AOPEP: variants seen among roughly 807,000 people sequenced by gnomAD.
AOPEP encodes aminopeptidase O (putative), also known as aminopeptidase O.
AOPEP carries 77 observed loss-of-function variants against 98.1 expected under a neutral mutation model. The observed-to-expected ratio is 0.78, with a 90% CI of 0.65 to 0.95. The LOEUF (loss-of-function observed/expected upper bound fraction) is 0.95, where lower values mean the gene tolerates loss of function less well. Ranked by LOEUF, AOPEP falls within the 40% of genes least tolerant of loss-of-function variation. The pLI, the probability that AOPEP is intolerant of heterozygous loss-of-function variation, is 0.00. For missense variants in AOPEP, 1,024 were observed against 1,024.7 expected, an observed-to-expected ratio of 1.00 and a Z score of 0.01; for synonymous variants, 346 against 365.3, an observed-to-expected ratio of 0.95 and a Z score of 0.60.
chr9:95,027,578 A>T (rs1360281321), intron 13 of AOPEP, among the ~76,000 whole-genome samples: 8 of 152,188 alleles, frequency 5.3e-5, no homozygotes, highest in Non-Finnish European at 1.0e-4. Context: ...TAATATAGAA[A>T]AGACACACAT....
In AOPEP at chr9:94,933,471, G is replaced by T. The variant is rs916835468; in HGVS notation, c.1661+4940G>T. 4.1e-6 allele frequency: 4 copies of T among 985,254 alleles called. No individual in the cohort carries two copies. In the African/African-American group the frequency reaches 5.2e-5, roughly 13 times the overall value. The allele number at this position is 985,254 out of a possible 1,614,324, so 61.0% of individuals were successfully genotyped here. The stretch of plus-strand genomic sequence containing the variant: ...CGTTAAAATGTATCGCTTTAAGGAG[G>T]TGCAACAGGCAGGAGTCTATGGAAC... On this transcript the variant is annotated intron_variant, in intron 7 of 16. Coordinates refer to ENST00000375315, the MANE Select transcript of AOPEP (RefSeq NM_001193329.3).
At chr9:94,834,915 G>T (rs565197823) in intron 5 of AOPEP, among the ~76,000 whole-genome samples, 19 of 152,124 alleles carry the variant, frequency 1.2e-4, no homozygotes, top group African/African-American at 4.6e-4. Context: ...ATTTTTTTGA[G>T]GGAGACAAAC....
At chr9:94,755,998 G>A (rs780335112) in intron 1 of AOPEP, among the ~76,000 whole-genome samples, 15 of 152,036 alleles carry the variant, frequency 9.9e-5, no homozygotes, top group Non-Finnish European at 1.5e-4. Context: ...GGTGGCTCAC[G>A]CCTGTGATCC....
chr9:95,110,808 T>C, the AOPEP span: 1 of 1,133,168 alleles, frequency 8.8e-7, no homozygotes, highest in Non-Finnish European at 1.1e-6. Context: ...GCCAATGCCT[T>C]TAATCAAAGC....
chr9:95,039,158 G>A (rs1012422580), intron 13 of AOPEP, among the ~76,000 whole-genome samples: 3 of 152,100 alleles, frequency 2.0e-5, no homozygotes, highest in Non-Finnish European at 4.4e-5. Flanking sequence ...ACATGGGATC[G>A]GCCCATGCTG....
chr9:94,968,691 C>T (rs926830809), intron 10 of AOPEP, among the ~76,000 whole-genome samples: 1 of 152,126 alleles, frequency 6.6e-6, no homozygotes, highest in Non-Finnish European at 1.5e-5. Context: ...GTCACATAAT[C>T]CCCCCAAATT....
intron 13 of AOPEP, among the ~76,000 whole-genome samples, chr9:95,025,095 C>G (rs1319378713): frequency 6.6e-6 from 1 of 152,104 alleles, no homozygotes; most frequent in Middle Eastern, 3.2e-3. Context: ...TTTGTCTTTT[C>G]TTTATGCTAG....
the AOPEP span, chr9:95,107,349 A>T: frequency 1.5e-5 from 22 of 1,479,286 alleles, no homozygotes; most frequent in East Asian, 5.1e-4. Context: ...ATTTGCTTTG[A>T]AACAACCCCC....
intron 13 of AOPEP, among the ~76,000 whole-genome samples, chr9:95,045,479 C>T (rs189162980): frequency 1.3e-5 from 2 of 152,336 alleles, no homozygotes; most frequent in East Asian, 1.9e-4. Context: ...CTTTTGGACA[C>T]GCCTGAGTTT....
At chr9:95,093,013 G>A in the AOPEP span, among the ~76,000 whole-genome samples, 1 of 152,248 alleles carries the variant, frequency 6.6e-6, no homozygotes, top group Admixed American at 6.5e-5. Context: ...ATAACTCAGA[G>A]ATGAGGCCGG....
chr9:94,736,963 C>G (rs1831910393), intron 1 of AOPEP, among the ~76,000 whole-genome samples: 1 of 152,174 alleles, frequency 6.6e-6, no homozygotes, highest in Admixed American at 6.5e-5. Context: ...AGAGACTACT[C>G]AGGCAATGAC....
intron 5 of AOPEP, among the ~76,000 whole-genome samples, chr9:94,913,769 G>T (rs10993392): frequency 6.6e-6 from 1 of 152,162 alleles, no homozygotes; most frequent in African/African-American, 2.4e-5. Flanking sequence ...GAATTCATTC[G>T]TTTAATTCAT....
the AOPEP span, among the ~76,000 whole-genome samples, chr9:95,093,847 C>T: frequency 6.6e-6 from 1 of 152,228 alleles, no homozygotes; most frequent in African/African-American, 2.4e-5. Flanking sequence ...GGGCTTCGTT[C>T]AAGTCCCAGC....
At chr9:95,087,442 C>T (rs1381249190), downstream of AOPEP, among the ~76,000 whole-genome samples, 2 of 120,722 alleles carry the variant, frequency 1.7e-5, no homozygotes, top group Non-Finnish European at 1.6e-5. Context: ...GAGATTGCGC[C>T]ACTGCACTCC....
intron 5 of AOPEP, among the ~76,000 whole-genome samples, chr9:94,919,586 G>A (rs1006347946): frequency 1.3e-5 from 2 of 152,108 alleles, no homozygotes; most frequent in African/African-American, 2.4e-5. Flanking sequence ...CTGAGAGTTC[G>A]GCTTGTAAAT....
chr9:95,068,684 C>T (rs1181668205), intron 14 of AOPEP, among the ~76,000 whole-genome samples: 1 of 152,064 alleles, frequency 6.6e-6, no homozygotes, highest in African/African-American at 2.4e-5. Flanking sequence ...AAATCATTGC[C>T]AGGGTCATGA....
intron 5 of AOPEP, among the ~76,000 whole-genome samples, chr9:94,896,195 C>T (rs887255537): frequency 6.6e-6 from 1 of 152,062 alleles, no homozygotes; most frequent in East Asian, 1.9e-4. Flanking sequence ...AAATAAACTT[C>T]TTAAAAATCA....
intron 1 of AOPEP, among the ~76,000 whole-genome samples, chr9:94,758,711 A>G (rs572767567): frequency 6.6e-6 from 1 of 152,316 alleles, no homozygotes; most frequent in Non-Finnish European, 1.5e-5. Flanking sequence ...ATTTTGGTAA[A>G]AGAATAAAAA....
At chr9:95,030,066 C>G (rs1205509327) in intron 13 of AOPEP, among the ~76,000 whole-genome samples, 1 of 152,148 alleles carries the variant, frequency 6.6e-6, no homozygotes, top group Admixed American at 6.5e-5. Flanking sequence ...TATTTAGTTT[C>G]TTGTTTTAAA....
Sources: allele counts gnomAD v4.1 joint callset (sites outside exome capture counted in the v4.1 genomes callset), GRCh38; gene constraint gnomAD v4.1.1; transcripts MANE v1.5; gene names NCBI Gene and HGNC (gene_info 2026-07-23, HGNC 2026-07-21).